The following C17orf114 variants were observed in gnomAD, a reference collection of about 807,000 sequenced individuals.
C17orf114 encodes the protein chromosome 17 open reading frame 114, also known as uncharacterized protein C17orf114.
rs561985962 is a variant in C17orf114 at position 4,801,336 on chromosome 17, G to A, written c.193C>T (p.Arg65Cys). 23 of 398,802 alleles carry A rather than the reference G, an allele frequency of 5.8e-5. No individual in the cohort carries two copies. The South Asian group carries it at 8.9e-4, about 15-fold the overall frequency. 24.7% of individuals were successfully genotyped at this position (398,802 alleles called of 1,614,324 possible). A position where few individuals can be genotyped will look rare whatever the true frequency, so the allele number is the denominator to read the frequency against. Reference sequence around the variant, plus strand: ...GATGCTATGTCATGCAGCTGGTGGCGGAAGGAGAGTCGGGCTTTCCTGCTG... The same window carrying A: ...GATGCTATGTCATGCAGCTGGTGGCAGAAGGAGAGTCGGGCTTTCCTGCTG... Residue 65 changes from arginine (R) to cysteine (C), a missense_variant, in exon 2 of 2, where the codon CGC (arginine) becomes TGC (cysteine). Arg to Cys is a radical substitution (Grantham distance 180). Coordinates refer to ENST00000635921, the Ensembl canonical transcript of C17orf114.
chr17:4,803,692 C>T (rs1019712447), upstream of C17orf114, among the ~76,000 whole-genome samples: 2 of 151,858 alleles, frequency 1.3e-5, no homozygotes, highest in Admixed American at 6.6e-5. Flanking sequence ...TCCCAAAGTG[C>T]TGGGATTACA....
chr17:4,806,815 G>C (rs1389656246), upstream of C17orf114: 4 of 150,442 alleles, frequency 2.7e-5, no homozygotes, highest in East Asian at 7.8e-4. Context: ...GGAGGGGCCC[G>C]GGGCGGGCGC....
In C17orf114 at chr17:4,802,278, G is replaced by GC. The variant is rs1037272406; in HGVS notation, c.41dup (p.Cys14TrpfsTer8). The stretch of plus-strand genomic sequence containing the variant: ...CTCTTTCAGTCCCCCGCTGCCTCCG[G>GC]CACCCGCACCATGGGAAACACCATG... On this transcript the variant is annotated frameshift_variant, in exon 1 of 2. Transcript: ENST00000635921. LOFTEE classifies it high-confidence loss of function. 1.5e-5 allele frequency: 6 copies of GC among 399,608 alleles called. No individual in the cohort carries two copies. Among genetic ancestry groups the GC allele is most frequent in the African/African-American group, 1.2e-4 (6 of 48,628 alleles). The allele number at this position is 399,608 out of a possible 1,614,324, so 24.8% of individuals were successfully genotyped here.
At chr17:4,802,747 C>T (rs1336436006), upstream of C17orf114, among the ~76,000 whole-genome samples, 6 of 149,818 alleles carry the variant, frequency 4.0e-5, no homozygotes, top group Non-Finnish European at 4.5e-5. Context: ...TCAAAGAATA[C>T]TCTATTTTTT....
chr17:4,806,594 T>C (rs998586520), upstream of C17orf114, among the ~76,000 whole-genome samples: 3 of 152,286 alleles, frequency 2.0e-5, no homozygotes, highest in East Asian at 5.8e-4. Context: ...CAATAAATGT[T>C]TGGTGAATGA....
upstream of C17orf114, among the ~76,000 whole-genome samples, chr17:4,805,467 G>C (rs1172656908): frequency 6.6e-6 from 1 of 151,916 alleles, no homozygotes; most frequent in African/African-American, 2.4e-5. Flanking sequence ...GCTCACGCCT[G>C]TAATCCCAGC....
In C17orf114 at chr17:4,801,536, G is replaced by A. The variant is rs138929795; in HGVS notation, c.74-81C>T. On this transcript the variant is annotated intron_variant, in intron 1 of 1. Coordinates refer to ENST00000635921, the Ensembl canonical transcript of C17orf114. ...CCCCAACCCAGGGTTGAGGAGGGAA[G>A]AAGCAAGGGAAGACACCTGGGGCCT... 4.1e-3 allele frequency: 1,559 copies of A among 380,568 alleles called. 16 individuals are homozygous for A. Among genetic ancestry groups the A allele is most frequent in the Middle Eastern group, 0.014 (22 of 1,560 alleles). The allele number at this position is 380,568 out of a possible 1,614,324, so 23.6% of individuals were successfully genotyped here. A position where few individuals can be genotyped will look rare whatever the true frequency, so the allele number is the denominator to read the frequency against.
rs1202239944 is a variant in C17orf114 at position 4,801,438 on chromosome 17, G to A, written c.91C>T (p.Pro31Ser). ...GCTATAGCTGGACTGGGATCTGGAG[G>A]GGCAGCAGGACTCAGGCCTAAAAGA... The change falls in exon 2 of 2, where the codon CCT (proline) becomes TCT (serine). Residue 31 changes from proline (P) to serine (S), a missense_variant. Coordinates refer to ENST00000635921, the Ensembl canonical transcript of C17orf114. 5 of 398,802 alleles carry A rather than the reference G, an allele frequency of 1.3e-5. No individual in the cohort carries two copies. The Admixed American group carries it at 1.3e-4, about 11-fold the overall frequency. The allele number at this position is 398,802 out of a possible 1,614,324, so 24.7% of individuals were successfully genotyped here.
At chr17:4,801,545 G>C (rs1428634064) in intron 1 of C17orf114, 90 bp from the exon 2 acceptor site, 1 of 365,432 alleles carries the variant, frequency 2.7e-6, no homozygotes, top group Admixed American at 5.2e-5. Flanking sequence ...AGAAGCAAGG[G>C]AAGACACCTG....
chr17:4,802,749 C>G, upstream of C17orf114, among the ~76,000 whole-genome samples: 1 of 149,812 alleles, frequency 6.7e-6, no homozygotes, highest in East Asian at 2.1e-4. Flanking sequence ...AAAGAATACT[C>G]TATTTTTTTA....
upstream of C17orf114, among the ~76,000 whole-genome samples, chr17:4,804,992 A>G (rs1393617832): frequency 2.0e-5 from 3 of 152,170 alleles, no homozygotes; most frequent in Non-Finnish European, 2.9e-5. Flanking sequence ...CTCCTATGCA[A>G]TCACCACTCC....
At chr17:4,802,118 T>C (rs1017768214) in intron 1 of C17orf114, 129 bp downstream of exon 1, 11 of 396,210 alleles carry the variant, frequency 2.8e-5, no homozygotes, top group Non-Finnish European at 4.4e-5. Flanking sequence ...AGGACTTCGG[T>C]GATCCATCTC....
upstream of C17orf114, among the ~76,000 whole-genome samples, chr17:4,804,518 A>T (rs1250853307): frequency 6.6e-6 from 1 of 150,562 alleles, no homozygotes; most frequent in East Asian, 2.0e-4. Context: ...GTGCTGTTTC[A>T]TCATTCCCTG....
At chr17:4,803,625 A>G (rs551182102), upstream of C17orf114, among the ~76,000 whole-genome samples, 44 of 150,920 alleles carry the variant, frequency 2.9e-4, no homozygotes, top group African/African-American at 1.0e-3. Context: ...ATGGGGTTTC[A>G]CCGTGTTAGC....
chr17:4,802,996 C>G (rs748764807), upstream of C17orf114, among the ~76,000 whole-genome samples: 9 of 152,082 alleles, frequency 5.9e-5, no homozygotes, highest in Non-Finnish European at 1.2e-4. Flanking sequence ...CGGCTCACTG[C>G]AACTCTGCCT....
upstream of C17orf114, among the ~76,000 whole-genome samples, chr17:4,803,633 A>G (rs949072364): frequency 8.6e-5 from 13 of 151,188 alleles, no homozygotes; most frequent in Middle Eastern, 3.5e-3. Flanking sequence ...TCACCGTGTT[A>G]GCCAGGATGG....
upstream of C17orf114, among the ~76,000 whole-genome samples, chr17:4,804,668 G>A (rs922475741): frequency 2.0e-5 from 3 of 148,260 alleles, no homozygotes; most frequent in South Asian, 2.1e-4. Context: ...GCACTGTCCC[G>A]GCTCACTGCA....
At chr17:4,805,654 A>C (rs1469128463), upstream of C17orf114, among the ~76,000 whole-genome samples, 1 of 151,476 alleles carries the variant, frequency 6.6e-6, no homozygotes, top group Non-Finnish European at 1.5e-5. Context: ...AGCATGGGCA[A>C]CAAGAGCGAG....
upstream of C17orf114, among the ~76,000 whole-genome samples, chr17:4,805,194 A>AGGCTG (rs1905621186): frequency 6.9e-6 from 1 of 145,444 alleles, no homozygotes; most frequent in Admixed American, 6.8e-5. Flanking sequence ...ACTTTAGGCC[A>AGGCTG]AGGAGGGCGG....
Sources: allele counts gnomAD v4.1 joint callset (sites outside exome capture counted in the v4.1 genomes callset), GRCh38; gene constraint gnomAD v4.1.1; transcripts MANE v1.5; gene names NCBI Gene and HGNC (gene_info 2026-07-23, HGNC 2026-07-21).